Variants in CCDC178 observed in about 807,000 individuals in gnomAD.
The protein encoded by CCDC178 is coiled-coil domain containing 178.
In CCDC178, 126 loss-of-function variants were observed where a neutral mutation model predicts 117.4. The ratio of observed to expected loss-of-function variants is 1.07; its 90% confidence interval spans 0.93 to 1.24. CCDC178 has a LOEUF of 1.24. Ranked by LOEUF, CCDC178 falls within the 50% of genes most tolerant of loss-of-function variation. The pLI is 0.00. For missense variants in CCDC178, 1,030 were observed against 986.9 expected, an observed-to-expected ratio of 1.04 and a Z score of -0.59; for synonymous variants, 283 against 313.4, an observed-to-expected ratio of 0.90 and a Z score of 1.02.
At chr18:33,231,914 G>C (rs1225350974) in intron 15 of CCDC178, among the ~76,000 whole-genome samples, 1 of 152,166 alleles carries the variant, frequency 6.6e-6, no homozygotes, top group Non-Finnish European at 1.5e-5. Context: ...CTTTCTCTCA[G>C]CCCTCCAGGC....
At chr18:33,412,770 AT>A (rs1181828027) in intron 2 of CCDC178, among the ~76,000 whole-genome samples, 1 of 152,162 alleles carries the variant, frequency 6.6e-6, no homozygotes, top group East Asian at 1.9e-4. Flanking sequence ...CACTAAACAT[AT>A]TTTGTGTTCA....
intron 21 of CCDC178, among the ~76,000 whole-genome samples, chr18:33,073,788 C>A (rs1567971592): frequency 6.6e-6 from 1 of 151,866 alleles, no homozygotes; most frequent in Non-Finnish European, 1.5e-5. Flanking sequence ...AAACCATGAA[C>A]AAATAAACAT....
chr18:33,410,152 T>C (rs145408802), intron 3 of CCDC178, among the ~76,000 whole-genome samples: 1 of 152,308 alleles, frequency 6.6e-6, no homozygotes, highest in East Asian at 1.9e-4. Context: ...ATAGGCTTTG[T>C]CAAGTCATTC....
chr18:33,134,157 G>C (rs1240917497), intron 20 of CCDC178, among the ~76,000 whole-genome samples: 2 of 151,872 alleles, frequency 1.3e-5, no homozygotes, highest in East Asian at 3.9e-4. Context: ...AATAATTTTA[G>C]GTCTCCAGGA....
chr18:33,074,880 T>C (rs547224984), intron 21 of CCDC178, among the ~76,000 whole-genome samples: 4 of 152,182 alleles, frequency 2.6e-5, no homozygotes, highest in Admixed American at 6.5e-5. Flanking sequence ...CCAGTAAACA[T>C]GGACTCAAAA....
In CCDC178 at chr18:33,381,814, A is replaced by G. The variant is rs1599248328; in HGVS notation, c.208+7726T>C. Among the ~76,000 whole-genome samples the G allele has an allele frequency of 3.3e-5, 5 of 151,822 alleles. 1 individual carries two copies. The highest frequency in any genetic ancestry group is 3.3e-4 in the Admixed American group (5 of 15,220). ...CTATGTAACTATTATTTTATGTTGT[A>G]TTGTAAAAATTGTTGTATACATTTA... On this transcript the variant is annotated intron_variant, in intron 5 of 22. Transcript: ENST00000383096.
At chr18:32,960,622 G>A (rs1445963908) in intron 22 of CCDC178, among the ~76,000 whole-genome samples, 1 of 151,972 alleles carries the variant, frequency 6.6e-6, no homozygotes, top group East Asian at 1.9e-4. Flanking sequence ...TCCCTAAATT[G>A]GACCCACAGA....
At chr18:33,035,686 T>G (rs2056429837) in intron 21 of CCDC178, among the ~76,000 whole-genome samples, 1 of 151,970 alleles carries the variant, frequency 6.6e-6, no homozygotes, top group Non-Finnish European at 1.5e-5. Flanking sequence ...ACTTCAGGGA[T>G]CTATTGTATA....
intron 3 of CCDC178, among the ~76,000 whole-genome samples, chr18:33,401,419 G>A (rs948195519): frequency 2.6e-5 from 4 of 152,138 alleles, no homozygotes; most frequent in African/African-American, 9.7e-5. Flanking sequence ...AGTTGCACAT[G>A]AAACAGACCC....
At chr18:33,269,942 T>G (rs1410764192) in intron 12 of CCDC178, among the ~76,000 whole-genome samples, 1 of 151,786 alleles carries the variant, frequency 6.6e-6, no homozygotes, top group African/African-American at 2.4e-5. Flanking sequence ...TTAATCCAAT[T>G]GGAAATTTGA....
intron 11 of CCDC178, among the ~76,000 whole-genome samples, chr18:33,321,573 T>A (rs1387938417): frequency 6.6e-6 from 1 of 152,066 alleles, no homozygotes; most frequent in Non-Finnish European, 1.5e-5. Context: ...TTTTTCTTAG[T>A]TCCTTTCATT....
intron 20 of CCDC178, among the ~76,000 whole-genome samples, chr18:33,134,374 G>T (rs2058101460): frequency 6.6e-6 from 1 of 151,916 alleles, no homozygotes. Flanking sequence ...TTCAACATGT[G>T]ACTACAAACA....
At position 32,988,110 on chromosome 18, in the gene CCDC178, A is replaced by ATAATC. The variant is rs1568200828; in HGVS notation, c.2389-13430_2389-13429insGATTA. ...TAATAATAATAATAATAATAATAAT[A>ATAATC]ATAATAATAAATTTATCAAAATTAA... On this transcript the variant is annotated intron_variant, in intron 21 of 22. Transcript: ENST00000383096. Among the ~76,000 whole-genome samples, 797 of 140,776 alleles carry ATAATC rather than the reference A, an allele frequency of 5.7e-3. 9 individuals are homozygous for ATAATC. The highest frequency in any genetic ancestry group is 0.021 in the African/African-American group (767 of 35,774). 92.4% of individuals were successfully genotyped at this position (140,776 alleles called of 152,430 possible).
chr18:33,269,668 A>C (rs1318996284), intron 12 of CCDC178, among the ~76,000 whole-genome samples: 1 of 151,864 alleles, frequency 6.6e-6, no homozygotes, highest in Non-Finnish European at 1.5e-5. Flanking sequence ...CACATGAGAA[A>C]GACAACAGAC....
chr18:32,954,637 G>C (rs1281089309), intron 22 of CCDC178: 1 of 152,084 alleles, frequency 6.6e-6, no homozygotes, highest in Non-Finnish European at 1.5e-5. Flanking sequence ...TATGAGATAA[G>C]AGAGTTGAAG....
At chr18:33,166,740 T>C (rs1402315056) in intron 20 of CCDC178, among the ~76,000 whole-genome samples, 9 of 152,226 alleles carry the variant, frequency 5.9e-5, no homozygotes, top group African/African-American at 2.2e-4. Flanking sequence ...TACGCTGGCC[T>C]GTAGCTGACT....
chr18:33,033,523 T>C (rs1484793564), intron 21 of CCDC178, among the ~76,000 whole-genome samples: 1 of 152,030 alleles, frequency 6.6e-6, no homozygotes, highest in African/African-American at 2.4e-5. Context: ...GTCCATTAAT[T>C]ATTCATTCTT....
chr18:32,967,818 G>C (rs184830582), intron 22 of CCDC178, among the ~76,000 whole-genome samples: 119 of 144,790 alleles, frequency 8.2e-4, no homozygotes, highest in Non-Finnish European at 1.4e-3. Flanking sequence ...TTTTATATTG[G>C]TCTAATTTAA....
chr18:32,954,006 TAA>T (rs1028092920), intron 22 of CCDC178: 1 of 152,090 alleles, frequency 6.6e-6, no homozygotes, highest in African/African-American at 2.4e-5. Context: ...AGCAGAAAAA[TAA>T]ATACACAAGA....
Sources: allele counts gnomAD v4.1 joint callset (sites outside exome capture counted in the v4.1 genomes callset), GRCh38; gene constraint gnomAD v4.1.1; transcripts MANE v1.5; gene names NCBI Gene and HGNC (gene_info 2026-07-23, HGNC 2026-07-21).